YEATS4: variants seen among roughly 807,000 people sequenced by gnomAD.
YEATS4 encodes the protein YEATS domain-containing protein 4.
YEATS4 carries 17 observed loss-of-function variants against 30.1 expected under a neutral mutation model. The ratio of observed to expected loss-of-function variants is 0.56; its 90% CI spans 0.39 to 0.85. YEATS4 has a LOEUF of 0.85. Ranked by LOEUF, YEATS4 falls within the 40% of genes least tolerant of loss-of-function variation. The pLI, the probability that YEATS4 is intolerant of heterozygous loss-of-function variation, is 0.00. For synonymous variants in YEATS4, 85 were observed against 87.5 expected (o/e 0.97, Z 0.16); for missense variants, 142 against 268.3 (o/e 0.53, Z 3.29).
intron 1 of YEATS4, among the ~76,000 whole-genome samples, chr12:69,361,151 T>C (rs907645503): frequency 6.6e-6 from 1 of 151,802 alleles, no homozygotes; most frequent in East Asian, 2.0e-4. Context: ...TGAGCTGAGA[T>C]CGTGCCACTG....
chr12:69,425,750 T>A, the YEATS4 span, among the ~76,000 whole-genome samples: 2 of 152,158 alleles, frequency 1.3e-5, no homozygotes, highest in Admixed American at 1.3e-4. Context: ...AGCCCACACG[T>A]TAAGTCATCC....
chr12:69,408,550 A>T, the YEATS4 span, among the ~76,000 whole-genome samples: 1 of 152,190 alleles, frequency 6.6e-6, no homozygotes, highest in Non-Finnish European at 1.5e-5. Flanking sequence ...CCCTGTGAAA[A>T]GTTTACTCCA....
chr12:69,363,137 C>T (rs1213128970), intron 2 of YEATS4, among the ~76,000 whole-genome samples: 4 of 151,494 alleles, frequency 2.6e-5, no homozygotes, highest in East Asian at 1.9e-4. Flanking sequence ...GGACTACAGG[C>T]GCCCGCCACC....
At chr12:69,376,264 G>A (rs1875868965) in intron 6 of YEATS4, among the ~76,000 whole-genome samples, 1 of 152,174 alleles carries the variant, frequency 6.6e-6, no homozygotes, top group South Asian at 2.1e-4. Context: ...TACTCGTGTG[G>A]CAGAGGCAGG....
chr12:69,395,660 T>G (rs1011465324), downstream of YEATS4, among the ~76,000 whole-genome samples: 3 of 152,132 alleles, frequency 2.0e-5, no homozygotes, highest in Admixed American at 6.6e-5. Context: ...GTTTAAAAAT[T>G]AAATGAAAAG....
chr12:69,408,889 A>G, the YEATS4 span, among the ~76,000 whole-genome samples: 6 of 152,234 alleles, frequency 3.9e-5, no homozygotes, highest in Admixed American at 1.3e-4. Flanking sequence ...TGAGACTCAC[A>G]GTTACACATC....
At chr12:69,409,624 A>C in the YEATS4 span, among the ~76,000 whole-genome samples, 1 of 151,938 alleles carries the variant, frequency 6.6e-6, no homozygotes, top group Non-Finnish European at 1.5e-5. Flanking sequence ...TTAAAAAAAA[A>C]AAAAGATATA....
chr12:69,402,474 C>T, the YEATS4 span, among the ~76,000 whole-genome samples: 1 of 152,196 alleles, frequency 6.6e-6, no homozygotes, highest in East Asian at 1.9e-4. Flanking sequence ...AACCTAAAGT[C>T]CCAGGACTGC....
chr12:69,417,668 C>G, the YEATS4 span, among the ~76,000 whole-genome samples: 1 of 152,054 alleles, frequency 6.6e-6, no homozygotes, highest in Non-Finnish European at 1.5e-5. Flanking sequence ...TGAGGAAATA[C>G]TTAATTTAAT....
chr12:69,387,328 G>C (rs1413212881), intron 6 of YEATS4, among the ~76,000 whole-genome samples: 1 of 152,216 alleles, frequency 6.6e-6, no homozygotes, highest in Non-Finnish European at 1.5e-5. Flanking sequence ...AGTTGATGCA[G>C]TAGGGAAACA....
At chr12:69,382,706 G>A (rs1876127459) in intron 6 of YEATS4, among the ~76,000 whole-genome samples, 1 of 152,240 alleles carries the variant, frequency 6.6e-6, no homozygotes, top group Non-Finnish European at 1.5e-5. Context: ...TCTTTCCTGT[G>A]TGTGGAGGCT....
intron 6 of YEATS4, among the ~76,000 whole-genome samples, chr12:69,373,174 G>A (rs1483548050): frequency 6.6e-6 from 1 of 152,146 alleles, no homozygotes; most frequent in African/African-American, 2.4e-5. Flanking sequence ...GGGATTGCTG[G>A]ATCATATAGC....
chr12:69,394,096 A>G (rs1868334621), downstream of YEATS4, among the ~76,000 whole-genome samples: 1 of 152,204 alleles, frequency 6.6e-6, no homozygotes, highest in South Asian at 2.1e-4. Flanking sequence ...GCAGTTAGGA[A>G]AGGAGAAAGA....
chr12:69,385,055 A>G (rs1263945417), intron 6 of YEATS4, among the ~76,000 whole-genome samples: 3 of 152,148 alleles, frequency 2.0e-5, no homozygotes, highest in Non-Finnish European at 4.4e-5. Flanking sequence ...TCTGTCACTC[A>G]GGCTGGGTTG....
At chr12:69,375,947 A>G (rs947818582) in intron 6 of YEATS4, among the ~76,000 whole-genome samples, 1 of 152,110 alleles carries the variant, frequency 6.6e-6, no homozygotes, top group Admixed American at 6.5e-5. Flanking sequence ...CAGATTGTTC[A>G]CTGTTGGCAT....
At chr12:69,391,006 C>T (rs755168531), downstream of YEATS4, among the ~76,000 whole-genome samples, 19 of 152,158 alleles carry the variant, frequency 1.2e-4, no homozygotes, top group Non-Finnish European at 2.2e-4. Flanking sequence ...TATATTAATT[C>T]TTAGGGGCCA....
the YEATS4 span, among the ~76,000 whole-genome samples, chr12:69,425,323 A>G: frequency 1.3e-5 from 2 of 152,210 alleles, no homozygotes; most frequent in East Asian, 3.8e-4. Flanking sequence ...GCAAATATTA[A>G]TAATAGGTCC....
the YEATS4 span, among the ~76,000 whole-genome samples, chr12:69,413,423 T>C: frequency 6.7e-6 from 1 of 150,250 alleles, no homozygotes; most frequent in South Asian, 2.1e-4. Context: ...GGATCTCACA[T>C]TGGAAAACAT....
chr12:69,392,518 C>T (rs1184346654), downstream of YEATS4, among the ~76,000 whole-genome samples: 1 of 152,208 alleles, frequency 6.6e-6, no homozygotes, highest in Non-Finnish European at 1.5e-5. Flanking sequence ...AATGTGGTAT[C>T]TCCATATGAT....
Sources: allele counts gnomAD v4.1 joint callset (sites outside exome capture counted in the v4.1 genomes callset), GRCh38; gene constraint gnomAD v4.1.1; transcripts MANE v1.5; gene names NCBI Gene and HGNC (gene_info 2026-07-23, HGNC 2026-07-21).